The following HNF4G variants were observed in gnomAD, a reference collection of about 807,000 sequenced individuals.
The protein encoded by HNF4G is hepatocyte nuclear factor 4 gamma.
In HNF4G, 21 loss-of-function variants were observed where a neutral mutation model predicts 50.9. That is an observed-to-expected ratio of 0.41 (90% CI 0.29 to 0.59). The LOEUF (loss-of-function observed/expected upper bound fraction) is 0.59, where lower values mean the gene tolerates loss of function less well. Ranked by LOEUF, HNF4G falls within the 20% of genes least tolerant of loss-of-function variation. The probability of loss-of-function intolerance (pLI) is 0.26; values close to 1 mark genes in which losing one functional copy is unlikely to be tolerated. For synonymous variants in HNF4G, 198 were observed against 185.6 expected (o/e 1.07, Z -0.54); for missense variants, 527 against 559.4 (o/e 0.94, Z 0.58).
intron 2 of HNF4G, among the ~76,000 whole-genome samples, chr8:75,506,212 G>A (rs929617293): frequency 4.6e-5 from 7 of 151,766 alleles, no homozygotes; most frequent in East Asian, 1.9e-4. Context: ...CTGAAAAATC[G>A]AAGATTTAGT....
intron 1 of HNF4G, among the ~76,000 whole-genome samples, chr8:75,541,602 T>C (rs1446376481): frequency 1.3e-5 from 2 of 152,150 alleles, no homozygotes; most frequent in African/African-American, 4.8e-5. Flanking sequence ...TTACAAAATA[T>C]AATCAGGACA....
chr8:75,480,848 C>T (rs912568701), intron 1 of HNF4G, among the ~76,000 whole-genome samples: 1 of 151,714 alleles, frequency 6.6e-6, no homozygotes, highest in African/African-American at 2.4e-5. Context: ...GTAACCGGGA[C>T]TACATGCGTC....
At chr8:75,433,084 T>C (rs1460170109) in intron 1 of HNF4G, among the ~76,000 whole-genome samples, 1 of 152,084 alleles carries the variant, frequency 6.6e-6, no homozygotes, top group African/African-American at 2.4e-5. Flanking sequence ...ACGGCCAAAC[T>C]GCTCCCAAAT....
rs1483063873 is a variant in HNF4G at position 75,448,606 on chromosome 8, G to A, written c.-144+40444G>A. 5.9e-5 allele frequency among the ~76,000 whole-genome samples: 9 copies of A among 151,298 alleles called. No individual in the cohort carries two copies. In the East Asian group the frequency reaches 1.7e-3, roughly 29 times the overall value. Reference sequence around the variant, plus strand: ...TGCTTATAATATGTTATTGTAATATGTATAAGGGGGAAACTGATAAGTACT... The same window carrying A: ...TGCTTATAATATGTTATTGTAATATATATAAGGGGGAAACTGATAAGTACT... On this transcript the variant is annotated intron_variant, in intron 1 of 10. Coordinates refer to the HNF4G transcript ENST00000354370.
At chr8:75,559,359 C>G (rs552687308) in intron 8 of HNF4G, among the ~76,000 whole-genome samples, 1 of 151,864 alleles carries the variant, frequency 6.6e-6, no homozygotes, top group South Asian at 2.1e-4. Context: ...CTGCAACCTC[C>G]GACTCCCTAA....
intron 1 of HNF4G, among the ~76,000 whole-genome samples, chr8:75,475,557 G>C (rs1357362785): frequency 6.6e-6 from 1 of 152,126 alleles, no homozygotes; most frequent in Non-Finnish European, 1.5e-5. Flanking sequence ...CTCTAGGCAA[G>C]GCCAGGTACA....
intron 1 of HNF4G, among the ~76,000 whole-genome samples, chr8:75,435,820 C>T (rs1280362341): frequency 1.3e-5 from 2 of 152,212 alleles, no homozygotes; most frequent in African/African-American, 2.4e-5. Context: ...TCTCGAGCTC[C>T]TGACCTCAGG....
At chr8:75,424,012 C>T (rs372276892) in intron 1 of HNF4G, among the ~76,000 whole-genome samples, 5 of 149,438 alleles carry the variant, frequency 3.3e-5, no homozygotes, top group East Asian at 2.0e-4. Flanking sequence ...TTAGTAGACA[C>T]GGGTTTCACC....
intron 1 of HNF4G, among the ~76,000 whole-genome samples, chr8:75,477,871 G>T (rs2130649006): frequency 6.6e-6 from 1 of 152,300 alleles, no homozygotes; most frequent in East Asian, 1.9e-4. Context: ...GAAGGCTGAG[G>T]CAGGAGAATC....
intron 2 of HNF4G, among the ~76,000 whole-genome samples, chr8:75,518,374 C>T (rs1440944488): frequency 6.6e-6 from 1 of 152,114 alleles, no homozygotes; most frequent in Middle Eastern, 3.4e-3. Flanking sequence ...CACTTTTACA[C>T]TGTTGGTGGG....
chr8:75,443,666 C>T (rs982884486), intron 1 of HNF4G, among the ~76,000 whole-genome samples: 1 of 152,094 alleles, frequency 6.6e-6, no homozygotes, highest in African/African-American at 2.4e-5. Context: ...AGTGTATTTG[C>T]TGGTTTACTT....
At chr8:75,473,739 TG>T (rs1307050266) in intron 1 of HNF4G, among the ~76,000 whole-genome samples, 1 of 151,966 alleles carries the variant, frequency 6.6e-6, no homozygotes, top group Admixed American at 6.6e-5. Flanking sequence ...GGATTGGAAC[TG>T]GGGGGAGTAG....
intron 1 of HNF4G, among the ~76,000 whole-genome samples, chr8:75,459,793 T>A (rs895629918): frequency 6.6e-6 from 1 of 152,176 alleles, no homozygotes; most frequent in Non-Finnish European, 1.5e-5. Flanking sequence ...GTCTTCAGAA[T>A]GCTAGCCACC....
At chr8:75,454,860 G>A (rs1050969369) in intron 1 of HNF4G, among the ~76,000 whole-genome samples, 1 of 152,138 alleles carries the variant, frequency 6.6e-6, no homozygotes. Flanking sequence ...GCTGAGAAGA[G>A]TACCTAGCCT....
intron 2 of HNF4G, among the ~76,000 whole-genome samples, chr8:75,492,847 A>C (rs1056611471): frequency 9.9e-5 from 15 of 152,238 alleles, no homozygotes; most frequent in Non-Finnish European, 1.9e-4. Context: ...CCTGAGAAAA[A>C]GTGAAAGAAA....
chr8:75,525,703 T>C (rs765767227), intron 2 of HNF4G, among the ~76,000 whole-genome samples: 30 of 151,922 alleles, frequency 2.0e-4, no homozygotes, highest in Non-Finnish European at 3.8e-4. Context: ...CAAAACGCAC[T>C]CTAAGAAAAA....
chr8:75,547,656 T>C lies in HNF4G; in HGVS notation c.357T>C (p.Cys119=), dbSNP rs1347124471. 6.2e-7 allele frequency: 1 copy of C among 1,605,690 alleles called. No individual in the cohort carries two copies. Among genetic ancestry groups the C allele is most frequent in the East Asian group, 2.2e-5 (1 of 44,782 alleles). Residue 119 remains cysteine (C), a synonymous_variant, in exon 3 of 10, where the codon TGT becomes TGC. Transcript: ENST00000396423. ...NQCRYCRLRK[C]FRAGMKKEAV... ...GTAGATATTGTCGATTAAGAAAGTG[T>C]TTTAGAGCGGGAATGAAAAAAGAAG... is the stretch of plus-strand genomic sequence containing the variant.
chr8:75,449,795 C>A (rs901507802), intron 1 of HNF4G, among the ~76,000 whole-genome samples: 1 of 152,114 alleles, frequency 6.6e-6, no homozygotes, highest in Non-Finnish European at 1.5e-5. Flanking sequence ...GCATGAGCCA[C>A]CGCGCCCGGC....
Position 75,531,053 on chromosome 8 carries a change from C to G in HNF4G, c.-23-12758C>G, listed in dbSNP as rs562219621. Among the ~76,000 whole-genome samples the G allele has an allele frequency of 4.6e-5, 7 of 152,162 alleles. No individual in the cohort carries two copies. In the East Asian group the frequency reaches 1.4e-3, roughly 29 times the overall value. On this transcript the variant is annotated intron_variant, in intron 2 of 10. Transcript: ENST00000354370. ...AGGTGATCCATCCGCCTTGGCCTCC[C>G]AAGGTGCTGGGATTACAGGTGTGAG...
Sources: allele counts gnomAD v4.1 joint callset (sites outside exome capture counted in the v4.1 genomes callset), GRCh38; gene constraint gnomAD v4.1.1; transcripts MANE v1.5; gene names NCBI Gene and HGNC (gene_info 2026-07-23, HGNC 2026-07-21).